The following ROBO2 variants were observed in gnomAD, a reference collection of about 807,000 sequenced individuals.
The protein encoded by ROBO2 is roundabout guidance receptor 2, also known as roundabout homolog 2.
Under a neutral mutation model 160.8 loss-of-function variants are expected in ROBO2, and 53 were observed. The observed-to-expected ratio is 0.33, with a 90% CI of 0.26 to 0.41. The LOEUF (loss-of-function observed/expected upper bound fraction) is 0.41. Among genes scored for constraint, ROBO2 ranks in the 10% least tolerant of loss-of-function variants. ROBO2 has a pLI of 1.00. For missense variants in ROBO2, 1,577 were observed against 1,722.4 expected (o/e 0.92, Z 1.49); for synonymous variants, 664 against 611.7 (o/e 1.09, Z -1.26).
At chr3:76,787,784 A>G (rs2108684252) in intron 2 of ROBO2, among the ~76,000 whole-genome samples, 1 of 151,590 alleles carries the variant, frequency 6.6e-6, no homozygotes, top group South Asian at 2.1e-4. Flanking sequence ...AGGTATTTGG[A>G]TCTACAGCAA....
chr3:76,214,445 A>T (rs546502870), intron 2 of ROBO2, among the ~76,000 whole-genome samples: 37 of 152,240 alleles, frequency 2.4e-4, no homozygotes, highest in African/African-American at 8.7e-4. Context: ...GCACCCGGAA[A>T]ATCTGGTCAC....
intron 2 of ROBO2, among the ~76,000 whole-genome samples, chr3:75,966,689 A>G (rs776217598): frequency 3.6e-4 from 55 of 151,714 alleles, no homozygotes; most frequent in Non-Finnish European, 7.1e-4. Context: ...AAATTGTCAA[A>G]GCACAATAGC....
chr3:77,089,454 A>G (rs2069822532), intron 1 of ROBO2, among the ~76,000 whole-genome samples: 1 of 151,638 alleles, frequency 6.6e-6, no homozygotes, highest in Non-Finnish European at 1.5e-5. Flanking sequence ...AGTTTGACAA[A>G]CCTCTTTTAT....
At chr3:76,895,488 G>C (rs2074696450) in intron 2 of ROBO2, among the ~76,000 whole-genome samples, 1 of 151,870 alleles carries the variant, frequency 6.6e-6, no homozygotes, top group African/African-American at 2.4e-5. Flanking sequence ...CATATTTGTA[G>C]CACAGTGCTT....
At chr3:76,199,767 C>T (rs561834498) in intron 2 of ROBO2, among the ~76,000 whole-genome samples, 3 of 152,232 alleles carry the variant, frequency 2.0e-5, no homozygotes, top group Middle Eastern at 3.4e-3. Context: ...GCCAAATATG[C>T]GTCTCAACTC....
At chr3:77,019,854 T>C (rs2062515163) in intron 2 of ROBO2, among the ~76,000 whole-genome samples, 1 of 152,210 alleles carries the variant, frequency 6.6e-6, no homozygotes, top group Admixed American at 6.5e-5. Flanking sequence ...CAACATTGCC[T>C]CTTGAAGTTA....
intron 2 of ROBO2, among the ~76,000 whole-genome samples, chr3:77,333,374 G>A (rs900553405): frequency 2.6e-5 from 4 of 152,222 alleles, no homozygotes; most frequent in East Asian, 1.9e-4. Flanking sequence ...CTATGTAGTC[G>A]AAATGGTAAA....
intron 2 of ROBO2, among the ~76,000 whole-genome samples, chr3:76,339,035 GTGT>G (rs1265571455): frequency 1.3e-5 from 2 of 152,026 alleles, no homozygotes; most frequent in African/African-American, 4.8e-5. Context: ...GCATTTCAAT[GTGT>G]TATTACTACT....
At chr3:75,924,319 C>G (rs1947192648) in intron 1 of ROBO2, among the ~76,000 whole-genome samples, 1 of 151,992 alleles carries the variant, frequency 6.6e-6, no homozygotes, top group South Asian at 2.1e-4. Context: ...GCCGAAAGAC[C>G]AGAGTGAGTA....
At chr3:77,547,212 T>A (rs78369188) in intron 7 of ROBO2, among the ~76,000 whole-genome samples, 3,405 of 152,208 alleles carry the variant, frequency 0.022, 119 homozygotes, top group African/African-American at 0.078. Flanking sequence ...AGGTTCGTAG[T>A]CAATGAGTGA....
intron 2 of ROBO2, among the ~76,000 whole-genome samples, chr3:77,267,537 C>T (rs1470205): frequency 0.53 from 79,951 of 151,944 alleles, 21,717 homozygotes; most frequent in Middle Eastern, 0.71. Flanking sequence ...AATAAGGGTG[C>T]TTGTTAGTGG....
At chr3:76,413,477 A>G (rs2075599212) in intron 2 of ROBO2, among the ~76,000 whole-genome samples, 5 of 152,176 alleles carry the variant, frequency 3.3e-5, no homozygotes, top group Admixed American at 3.3e-4. Flanking sequence ...ACAGCACCCA[A>G]GTCACCTCTT....
chr3:75,975,396 G>A (rs2065109916), intron 2 of ROBO2, among the ~76,000 whole-genome samples: 1 of 151,024 alleles, frequency 6.6e-6, no homozygotes, highest in Non-Finnish European at 1.5e-5. Flanking sequence ...TTTTGTCTAC[G>A]CTTTATTTAT....
intron 2 of ROBO2, among the ~76,000 whole-genome samples, chr3:76,341,001 T>A (rs1341683149): frequency 2.6e-5 from 4 of 152,148 alleles, no homozygotes; most frequent in Non-Finnish European, 4.4e-5. Context: ...GTAGGAGTGT[T>A]CTGTCTCCTT....
chr3:76,137,958 A>G (rs2071491511), intron 2 of ROBO2, among the ~76,000 whole-genome samples: 1 of 152,058 alleles, frequency 6.6e-6, no homozygotes, highest in Non-Finnish European at 1.5e-5. Flanking sequence ...TCTTAATTAC[A>G]TCTGCAAAAT....
At chr3:77,328,621 G>A (rs950177175) in intron 2 of ROBO2, among the ~76,000 whole-genome samples, 24 of 152,134 alleles carry the variant, frequency 1.6e-4, no homozygotes, top group Admixed American at 3.9e-4. Context: ...AATGGCATAT[G>A]TTAAAAATGT....
At chr3:76,398,351 G>A (rs904077188) in intron 2 of ROBO2, among the ~76,000 whole-genome samples, 1 of 151,552 alleles carries the variant, frequency 6.6e-6, no homozygotes, top group African/African-American at 2.4e-5. Context: ...GGGAGGGATA[G>A]CATTAGGAGA....
At chr3:77,523,122 C>T (rs1176151261) in intron 6 of ROBO2, among the ~76,000 whole-genome samples, 1 of 151,122 alleles carries the variant, frequency 6.6e-6, no homozygotes, top group African/African-American at 2.4e-5. Flanking sequence ...TAATAAATTG[C>T]TTATATGGTT....
intron 2 of ROBO2, among the ~76,000 whole-genome samples, chr3:77,020,541 G>T (rs190680461): frequency 1.3e-5 from 2 of 152,066 alleles, no homozygotes; most frequent in Admixed American, 1.3e-4. Flanking sequence ...AGTATTGTTC[G>T]TATAAGGAAA....
Sources: gnomAD v4.1 joint callset for allele counts (sites outside exome capture counted in the v4.1 genomes callset) on GRCh38, gnomAD v4.1.1 for gene constraint, MANE v1.5 for transcripts, NCBI Gene and HGNC (gene_info 2026-07-23, HGNC 2026-07-21) for gene names.